CORO7: variants seen among roughly 807,000 people sequenced by gnomAD.
The protein encoded by CORO7 is coronin 7.
A neutral mutation model predicts 126.6 loss-of-function variants in CORO7; 107 were observed. The ratio of observed to expected loss-of-function variants is 0.85; its 90% CI spans 0.72 to 0.99. The LOEUF is 0.99. CORO7 is among the 50% of genes least tolerant of loss of function. The pLI is 0.00. For missense variants in CORO7, 1,314 were observed against 1,255.8 expected (o/e 1.05, Z -0.70); for synonymous variants, 603 against 536.8 (o/e 1.12, Z -1.70).
chr16:4,386,233 G>C (rs1355503706), intron 9 of CORO7, among the ~76,000 whole-genome samples: 1 of 152,186 alleles, frequency 6.6e-6, no homozygotes, highest in Admixed American at 6.5e-5. Flanking sequence ...CTGGTCCTTC[G>C]AGGCTATTCT....
At chr16:4,397,843 G>T (rs1209967263) in intron 6 of CORO7, among the ~76,000 whole-genome samples, 1 of 152,134 alleles carries the variant, frequency 6.6e-6, no homozygotes, top group African/African-American at 2.4e-5. Context: ...TCGAATTCCT[G>T]ACCTCAGGTA....
At chr16:4,365,348 A>G in intron 10 of CORO7, 143 bp downstream of exon 10, 2 of 1,270,714 alleles carry the variant, frequency 1.6e-6, no homozygotes, top group Non-Finnish European at 2.2e-6. Context: ...CAGGAAGGCC[A>G]GTGTTCTAGG....
rs115837927 is a variant in CORO7, at chr16:4,411,683, C to T, written c.232+673G>A. On this transcript the variant is annotated intron_variant, in intron 3 of 27. Transcript: ENST00000251166. ...AGAACCCCTCCACGACCCTGCACAC[C>T]CAGCCTGAGGACCAGGCATCAACTG... Among the ~76,000 whole-genome samples, 1,003 of 152,184 alleles carry T rather than the reference C, an allele frequency of 6.6e-3. 6 individuals are homozygous for T. The highest frequency in any genetic ancestry group is 0.031 in the Middle Eastern group (9 of 294).
chr16:4,401,729 C>CG (rs1260303162), intron 6 of CORO7, among the ~76,000 whole-genome samples: 3 of 152,014 alleles, frequency 2.0e-5, no homozygotes, highest in Non-Finnish European at 4.4e-5. Flanking sequence ...AGGCAGGACA[C>CG]GAGCGACAGC....
chr16:4,365,378 C>T (rs920113753), intron 10 of CORO7, 113 bp downstream of exon 10: 5 of 1,454,512 alleles, frequency 3.4e-6, no homozygotes, highest in Non-Finnish European at 4.6e-6. Context: ...GTCACCTTGG[C>T]TGCACAGGGG....
intron 6 of CORO7, chr16:4,397,338 G>A (rs1237517203): frequency 6.6e-6 from 1 of 151,956 alleles, no homozygotes; most frequent in Non-Finnish European, 1.5e-5. Flanking sequence ...AGCTACTCGG[G>A]AGGCTGAGTC....
intron 23 of CORO7, chr16:4,359,026 C>G (rs2054072103): frequency 1.9e-6 from 1 of 516,228 alleles, no homozygotes; most frequent in Non-Finnish European, 3.4e-6. Flanking sequence ...ATTCTCCTGC[C>G]TCAGCCTTCC....
intron 6 of CORO7, among the ~76,000 whole-genome samples, chr16:4,402,081 G>T (rs970214285): frequency 7.9e-5 from 12 of 152,010 alleles, no homozygotes; most frequent in African/African-American, 2.4e-4. Context: ...TGGGATTACA[G>T]GTGCATGCCA....
At chr16:4,375,544 G>C (rs1163775776) in intron 9 of CORO7, among the ~76,000 whole-genome samples, 5 of 152,246 alleles carry the variant, frequency 3.3e-5, no homozygotes, top group Non-Finnish European at 5.9e-5. Context: ...CTGGAGTGCA[G>C]TGGCGCAATA....
At chr16:4,377,782 A>C (rs9923395) in intron 9 of CORO7, among the ~76,000 whole-genome samples, 110,317 of 152,048 alleles carry the variant, frequency 0.73, 40,489 homozygotes, top group East Asian at 0.8. Context: ...CCTCCCTTTG[A>C]TGTGGGGGTA....
rs142194602 is a variant in CORO7 at position 4,361,388 on chromosome 16, G to A, written c.1660C>T (p.Pro554Ser). ...ACAGCGAGGCGATGGGGGTCAAAGGGGTCCCAGGCCAGATCAGTCACAGCT... is the reference window on the plus strand; with the variant it reads ...ACAGCGAGGCGATGGGGGTCAAAGGAGTCCCAGGCCAGATCAGTCACAGCT... The part of the protein sequence containing the change: ...GAAVTDLAWD[P>S]FDPHRLAVAG... The change falls in exon 17 of 28, where the codon CCC becomes TCC. Residue 554 changes from proline to serine, a missense_variant. Pro to Ser is a moderately conservative substitution (Grantham distance 74). Transcript: ENST00000251166. 6.2e-7 allele frequency: 1 copy of A among 1,612,094 alleles called. No homozygotes were observed. Among genetic ancestry groups the A allele is most frequent in the Non-Finnish European group, 8.5e-7 (1 of 1,179,710 alleles).
At chr16:4,364,750 A>G in intron 12 of CORO7, 25 bp downstream of exon 12, 1 of 1,604,458 alleles carries the variant, frequency 6.2e-7, no homozygotes, top group African/African-American at 1.3e-5. Context: ...CAGCCCCCGC[A>G]GTCCCTCGCC....
chr16:4,392,286 T>C (rs1430144396), intron 7 of CORO7, among the ~76,000 whole-genome samples: 2 of 151,920 alleles, frequency 1.3e-5, no homozygotes, highest in Non-Finnish European at 2.9e-5. Flanking sequence ...CTGGGGGTTC[T>C]GCATCCAGAG....
chr16:4,406,381 C>G (rs551110699), intron 5 of CORO7, among the ~76,000 whole-genome samples: 2 of 152,258 alleles, frequency 1.3e-5, no homozygotes, highest in African/African-American at 2.4e-5. Flanking sequence ...CTGCAGCTTT[C>G]ACCTCCTGGG....
intron 16 of CORO7, 133 bp downstream of exon 16, chr16:4,361,852 G>A (rs2054190677): frequency 7.2e-7 from 1 of 1,384,532 alleles, no homozygotes; most frequent in Non-Finnish European, 9.9e-7. Context: ...GTGGCTGGGA[G>A]GATCACAGGA....
Position 4,364,660 on chromosome 16 carries a change from CG to C in CORO7, c.1073del (p.Pro358ArgfsTer57), listed in dbSNP as rs1567252929. On this transcript the variant is annotated frameshift_variant, in exon 13 of 28. Transcript: ENST00000251166. LOFTEE classifies it high-confidence loss of function. ...KAVEFHEDLFPDTAGCVPATD... is the reference protein window; with the variant it reads ...KAVEFHEDLFXDTAGCVPATD... The stretch of plus-strand genomic sequence containing the variant: ...TGGCAGGCACACAGCCGGCAGTGTC[CG>C]GGAACAGGTCCTCGTGGAACTCCAC... 1 of 1,581,846 alleles carries C rather than the reference CG, an allele frequency of 6.3e-7. No individual in the cohort carries two copies.
At chr16:4,400,526 G>A (rs1010512680) in intron 6 of CORO7, among the ~76,000 whole-genome samples, 4 of 151,952 alleles carry the variant, frequency 2.6e-5, no homozygotes, top group Non-Finnish European at 5.9e-5. Flanking sequence ...CCAGCTACTC[G>A]GGACGGGGAG....
At position 4,408,074 on chromosome 16, in the gene CORO7, G is replaced by A. The variant is rs902300826; in HGVS notation, c.303+107C>T. ...CCCGCAGCCCTGGGGAGTGGGGTGG[G>A]GCTGGACTGGGAGGCAGCAGAGCCC... On this transcript the variant is annotated intron_variant, in intron 4 of 27. Transcript: ENST00000251166. 5.2e-6 allele frequency: 8 copies of A among 1,533,106 alleles called. No individual in the cohort carries two copies. In the African/African-American group the frequency reaches 1.1e-4, roughly 21 times the overall value. 95.0% of individuals were successfully genotyped at this position (1,533,106 alleles called of 1,614,324 possible).
At position 4,365,525 on chromosome 16, in the gene CORO7, T is replaced by G; in HGVS notation, c.806A>C (p.Asp269Ala). 6.3e-7 allele frequency: 1 copy of G among 1,580,932 alleles called. No homozygotes were observed. Among genetic ancestry groups the G allele is most frequent in the Non-Finnish European group, 8.6e-7 (1 of 1,163,864 alleles). ...TSLGCLVPLL[D>A]PDSGLLVLAG... The stretch of plus-strand genomic sequence containing the variant: ...CAGGACCAGGAGCCCAGAGTCAGGG[T>G]CCAGCAGAGGCACGAGACACCTGGG... Residue 269 changes from aspartate to alanine, a missense_variant, in exon 10 of 28, where the codon GAC (aspartate) becomes GCC (alanine). Coordinates refer to ENST00000251166, the MANE Select transcript of CORO7 (RefSeq NM_024535.5).
Sources: allele counts gnomAD v4.1 joint callset (sites outside exome capture counted in the v4.1 genomes callset), GRCh38; gene constraint gnomAD v4.1.1; transcripts MANE v1.5; gene names NCBI Gene and HGNC (gene_info 2026-07-23, HGNC 2026-07-21).